The following CASTOR2 variants were observed in gnomAD, a reference collection of about 807,000 sequenced individuals.
CASTOR2 encodes cytosolic arginine sensor for mTORC1 subunit 2, also known as GATS protein like 2.
Under a neutral mutation model 31.2 loss-of-function variants are expected in CASTOR2, and 8 were observed. The ratio of observed to expected loss-of-function variants is 0.26; its 90% CI spans 0.15 to 0.46. The LOEUF (loss-of-function observed/expected upper bound fraction) is 0.46, where lower values mean the gene tolerates loss of function less well. CASTOR2 is among the 20% of genes least tolerant of loss of function. CASTOR2 has a pLI of 0.99. For missense variants in CASTOR2, 216 were observed against 382.1 expected (o/e 0.57, Z 3.62); for synonymous variants, 162 against 158.7 (o/e 1.02, Z -0.16).
intron 1 of CASTOR2, 62 bp from the exon 2 acceptor site, chr7:75,007,932 G>A (rs1804641828): frequency 7.4e-6 from 12 of 1,612,640 alleles, no homozygotes; most frequent in Non-Finnish European, 9.3e-6. Context: ...GCACGGGTGG[G>A]CAGCTGCCCC....
intron 1 of CASTOR2, among the ~76,000 whole-genome samples, chr7:74,994,241 G>A (rs1804285018): frequency 6.6e-6 from 1 of 152,246 alleles, no homozygotes; most frequent in Non-Finnish European, 1.5e-5. Flanking sequence ...GCCAGGGTTG[G>A]GTGGTGGGGG....
chr7:74,994,015 AGAGGCCCC>A (rs1804277389), intron 1 of CASTOR2, among the ~76,000 whole-genome samples: 1 of 152,168 alleles, frequency 6.6e-6, no homozygotes, highest in African/African-American at 2.4e-5. Context: ...ATGCCCGGGG[AGAGGCCCC>A]GTGTGAGGGC....
intron 2 of CASTOR2, among the ~76,000 whole-genome samples, chr7:75,015,270 T>C (rs1403551707): frequency 8.5e-5 from 13 of 152,176 alleles, no homozygotes; most frequent in Non-Finnish European, 1.9e-4. Flanking sequence ...TCTCTCCCTT[T>C]TTATCGATTT....
chr7:75,025,939 A>G lies in CASTOR2; in HGVS notation c.*1240A>G, dbSNP rs1014258437. Reference sequence around the variant, plus strand: ...TCTCTTCTGAAGGGAAGCTAGGAGCAGAGATCTGTTACAAGACGCTGGAGC... The same window carrying G: ...TCTCTTCTGAAGGGAAGCTAGGAGCGGAGATCTGTTACAAGACGCTGGAGC... On this transcript the variant is annotated 3_prime_UTR_variant, in exon 9 of 9. Transcript: ENST00000616305. 0.028 allele frequency among the ~76,000 whole-genome samples: 4,252 copies of G among 152,242 alleles called. 94 individuals carry two copies. The highest frequency in any genetic ancestry group is 0.048 in the African/African-American group (1,975 of 41,554).
chr7:75,013,037 C>G (rs1375457334), intron 2 of CASTOR2, among the ~76,000 whole-genome samples: 9 of 152,216 alleles, frequency 5.9e-5, no homozygotes, highest in Non-Finnish European at 2.9e-5. Flanking sequence ...GTCCTCCCAC[C>G]TTGGCCTCCC....
At chr7:75,020,980 T>C (rs1364893095) in intron 6 of CASTOR2, among the ~76,000 whole-genome samples, 1 of 151,348 alleles carries the variant, frequency 6.6e-6, no homozygotes, top group African/African-American at 2.4e-5. Flanking sequence ...TATTTTTATT[T>C]TATTTTTTTT....
At chr7:74,997,387 G>A (rs1323284262) in intron 1 of CASTOR2, among the ~76,000 whole-genome samples, 21 of 151,636 alleles carry the variant, frequency 1.4e-4, no homozygotes, top group African/African-American at 4.1e-4. Context: ...CAGGAGCTGT[G>A]TAAATATGCC....
At chr7:74,987,737 C>T (rs1406965844) in intron 1 of CASTOR2, among the ~76,000 whole-genome samples, 1 of 151,750 alleles carries the variant, frequency 6.6e-6, no homozygotes, top group Non-Finnish European at 1.5e-5. Context: ...TATTTTTTTT[C>T]GAGACAGAGC....
chr7:75,021,931 G>A lies in CASTOR2; in HGVS notation c.804G>A (p.Arg268=). Residue 268 remains arginine (R), a synonymous_variant, in exon 7 of 9, where the codon CGG becomes CGA. Transcript: ENST00000616305. ...CCGGAGAGCTCTGGAAGATGGTCCG[G>A]ATTGGAGGACAGCCCCTGGGGTTTG... ...SASGELWKMV[R]IGGQPLGFDE... is the part of the protein sequence containing the mutation. 2.6e-6 allele frequency: 4 copies of A among 1,551,826 alleles called. No individual in the cohort carries two copies. Among genetic ancestry groups the A allele is most frequent in the Non-Finnish European group, 3.5e-6 (4 of 1,146,904 alleles).
rs950528288 is a variant in CASTOR2, at chr7:75,026,442, G to C, written c.*1743G>C. On this transcript the variant is annotated 3_prime_UTR_variant, in exon 9 of 9. Coordinates refer to ENST00000616305, the MANE Select transcript of CASTOR2 (RefSeq NM_001145064.3). The stretch of plus-strand genomic sequence containing the variant: ...CTGAGTTAAGTGATCCGCCTGCCTC[G>C]GCCTCCCAAAATGCCGGGATTACAG... Among the ~76,000 whole-genome samples the C allele has an allele frequency of 6.6e-6, 1 of 152,012 alleles. No homozygotes were observed. Among genetic ancestry groups the C allele is most frequent in the African/African-American group, 2.4e-5 (1 of 41,370 alleles).
chr7:74,995,837 T>C (rs1433884468), intron 1 of CASTOR2, among the ~76,000 whole-genome samples: 1 of 148,548 alleles, frequency 6.7e-6, no homozygotes, highest in Non-Finnish European at 1.5e-5. Context: ...TAGCCAGGCA[T>C]GGTGGTGTGC....
At chr7:74,989,289 T>C (rs1199459528) in intron 1 of CASTOR2, among the ~76,000 whole-genome samples, 4 of 149,496 alleles carry the variant, frequency 2.7e-5, no homozygotes, top group African/African-American at 7.4e-5. Context: ...AGACAGGATC[T>C]TGCTTTGCCC....
chr7:74,970,143 CAG>C (rs1803648212), intron 1 of CASTOR2, among the ~76,000 whole-genome samples: 1 of 119,518 alleles, frequency 8.4e-6, no homozygotes, highest in Non-Finnish European at 1.9e-5. Context: ...AAGTATTTGC[CAG>C]AGTCTCATAG....
chr7:74,976,070 T>C (rs1324374654), intron 1 of CASTOR2, among the ~76,000 whole-genome samples: 1 of 136,702 alleles, frequency 7.3e-6, no homozygotes, highest in Admixed American at 7.7e-5. Flanking sequence ...CCTAAATTCC[T>C]AACCCATAGG....
intron 6 of CASTOR2, among the ~76,000 whole-genome samples, 182 bp from the exon 7 acceptor site, chr7:75,021,692 C>T (rs912536917): frequency 7.2e-5 from 11 of 152,240 alleles, no homozygotes; most frequent in East Asian, 1.9e-4. Flanking sequence ...CCCCTCAAGA[C>T]GAGGAGGCCG....
At chr7:74,987,229 A>G (rs1455939305) in intron 1 of CASTOR2, among the ~76,000 whole-genome samples, 2 of 151,900 alleles carry the variant, frequency 1.3e-5, no homozygotes, top group Non-Finnish European at 2.9e-5. Flanking sequence ...ACATGGTGAA[A>G]CCCCATCTCT....
rs1805090759 is a variant in CASTOR2 at position 75,025,081 on chromosome 7, C to A, written c.*382C>A. Reference sequence around the variant, plus strand: ...TGCGAGACACCGGTGTGCCAGCTGTCATGTCACCTTGCAGGGCTGGGGCTG... The same window carrying A: ...TGCGAGACACCGGTGTGCCAGCTGTAATGTCACCTTGCAGGGCTGGGGCTG... On this transcript the variant is annotated 3_prime_UTR_variant, in exon 9 of 9. Transcript: ENST00000616305. 6.6e-6 allele frequency among the ~76,000 whole-genome samples: 1 copy of A among 152,256 alleles called. No homozygotes were observed. The highest frequency in any genetic ancestry group is 1.5e-5 in the Non-Finnish European group (1 of 68,046).
chr7:74,992,603 C>A (rs1259224601), intron 1 of CASTOR2, among the ~76,000 whole-genome samples: 2 of 152,136 alleles, frequency 1.3e-5, no homozygotes, highest in South Asian at 2.1e-4. Context: ...CCATGCCCAG[C>A]TATTTTTTGT....
chr7:74,972,981 C>CT lies in CASTOR2; in HGVS notation c.113+7884dup, dbSNP rs587649993. 1.1e-3 allele frequency among the ~76,000 whole-genome samples: 165 copies of CT among 148,660 alleles called. 5 individuals are homozygous for CT. Among genetic ancestry groups the CT allele is most frequent in the Non-Finnish European group, 1.9e-3 (127 of 67,118 alleles). ...AGCCACCATGCCCGGCCAGTGAACA[C>CT]TAACGTCTTACGAGGTATTTATGAG... On this transcript the variant is annotated intron_variant, in intron 1 of 8. Transcript: ENST00000616305.
Sources: gnomAD v4.1 joint callset for allele counts (sites outside exome capture counted in the v4.1 genomes callset) on GRCh38, gnomAD v4.1.1 for gene constraint, MANE v1.5 for transcripts, NCBI Gene and HGNC (gene_info 2026-07-23, HGNC 2026-07-21) for gene names.